Variants in RUNX2 observed in about 807,000 individuals in gnomAD.
RUNX2 encodes runt-related transcription factor 2.
RUNX2 carries 10 observed loss-of-function variants against 51.7 expected under a neutral mutation model. That is an observed-to-expected ratio of 0.19 (90% CI 0.12 to 0.33). The LOEUF (loss-of-function observed/expected upper bound fraction) is 0.33, where lower values mean the gene tolerates loss of function less well. Among genes scored for constraint, RUNX2 ranks in the 10% least tolerant of loss-of-function variants. The pLI is 1.00. For synonymous variants in RUNX2, 276 were observed against 273.6 expected (o/e 1.01, Z -0.09); for missense variants, 562 against 691.3 (o/e 0.81, Z 2.10).
At chr6:45,422,489 CGCCT>C in intron 2 of RUNX2, 100 bp from the exon 3 acceptor site, 1 of 481,124 alleles carries the variant, frequency 2.1e-6, no homozygotes, top group Non-Finnish European at 3.4e-6. Flanking sequence ...CCCCCCGTCT[CGCCT>C]TCACCCCCCC....
chr6:45,331,211 T>C (rs1035260123), intron 2 of RUNX2, among the ~76,000 whole-genome samples: 94 of 151,944 alleles, frequency 6.2e-4, no homozygotes, highest in African/African-American at 2.2e-3. Flanking sequence ...AATCAAAAAT[T>C]TTCAATCTGT....
intron 5 of RUNX2, among the ~76,000 whole-genome samples, chr6:45,485,693 G>GTA (rs1257977356): frequency 6.9e-5 from 7 of 101,794 alleles, no homozygotes; most frequent in African/African-American, 2.0e-4. Flanking sequence ...GTGTGTGTGT[G>GTA]TGTGTATATA....
intron 6 of RUNX2, among the ~76,000 whole-genome samples, chr6:45,500,308 T>C (rs1374977027): frequency 6.6e-6 from 1 of 152,234 alleles, no homozygotes; most frequent in African/African-American, 2.4e-5. Context: ...TGTTTTCATT[T>C]TAATGTATGC....
intron 6 of RUNX2, among the ~76,000 whole-genome samples, chr6:45,494,180 A>G (rs1320120670): frequency 2.0e-5 from 3 of 152,214 alleles, no homozygotes; most frequent in Admixed American, 6.5e-5. Context: ...AGTGAGGCTC[A>G]GAGGAGGTGT....
In RUNX2 at chr6:45,467,613, G is replaced by A. The variant is rs115121444; in HGVS notation, c.686-24328G>A. Among the ~76,000 whole-genome samples, 954 of 149,044 alleles carry A rather than the reference G, an allele frequency of 6.4e-3. 9 individuals are homozygous for A. Among genetic ancestry groups the A allele is most frequent in the African/African-American group, 0.022 (892 of 40,338 alleles). ...ATCTTTTAGAACCGCCACCCCCACC[G>A]CCCCCAGCCACTCATCTACCTCCTA... On this transcript the variant is annotated intron_variant, in intron 5 of 8. Transcript: ENST00000647337.
At chr6:45,542,180 A>T (rs1411469484) in intron 7 of RUNX2, among the ~76,000 whole-genome samples, 1 of 152,172 alleles carries the variant, frequency 6.6e-6, no homozygotes, top group Non-Finnish European at 1.5e-5. Flanking sequence ...GGTTTCACAC[A>T]CTTTCCACTT....
At chr6:45,456,209 ATG>A (rs1163261167) in intron 5 of RUNX2, among the ~76,000 whole-genome samples, 1 of 152,168 alleles carries the variant, frequency 6.6e-6, no homozygotes, top group Non-Finnish European at 1.5e-5. Context: ...TTTTTCCTAA[ATG>A]TATTTGTATG....
At chr6:45,467,184 T>G (rs1799658287) in intron 5 of RUNX2, among the ~76,000 whole-genome samples, 1 of 152,246 alleles carries the variant, frequency 6.6e-6, no homozygotes. Flanking sequence ...TGACCCCTTC[T>G]GCCTCCATCC....
At chr6:45,418,198 G>A (rs1798105740) in intron 2 of RUNX2, among the ~76,000 whole-genome samples, 1 of 152,044 alleles carries the variant, frequency 6.6e-6, no homozygotes, top group African/African-American at 2.4e-5. Flanking sequence ...TAATGTATGG[G>A]GGTTAGAAAA....
At chr6:45,392,350 A>G (rs983493530) in intron 2 of RUNX2, among the ~76,000 whole-genome samples, 1 of 152,082 alleles carries the variant, frequency 6.6e-6, no homozygotes, top group African/African-American at 2.4e-5. Context: ...CTACAAAAAA[A>G]TATATAAAAA....
intron 2 of RUNX2, chr6:45,377,784 C>G (rs1797037035): frequency 6.5e-6 from 1 of 152,790 alleles, no homozygotes; most frequent in Admixed American, 6.5e-5. Context: ...TTTAAGAACC[C>G]TTGGAGGCAC....
chr6:45,354,955 A>G (rs184554748), intron 2 of RUNX2, among the ~76,000 whole-genome samples: 280 of 152,212 alleles, frequency 1.8e-3, no homozygotes, highest in African/African-American at 6.6e-3. Context: ...TGGAAAGATA[A>G]ATACCAAAGC....
At chr6:45,361,213 G>A (rs1408346039) in intron 2 of RUNX2, among the ~76,000 whole-genome samples, 3 of 151,914 alleles carry the variant, frequency 2.0e-5, no homozygotes, top group Non-Finnish European at 4.4e-5. Context: ...TTTAATTTGT[G>A]GATGTTAGAT....
Position 45,420,607 on chromosome 6 carries a change from C to T in RUNX2, c.59-1986C>T, listed in dbSNP as rs73737410. Among the ~76,000 whole-genome samples the T allele has an allele frequency of 7.6e-3, 1,152 of 152,316 alleles. 27 individuals carry two copies. Among genetic ancestry groups the T allele is most frequent in the African/African-American group, 0.026 (1,093 of 41,566 alleles). On this transcript the variant is annotated intron_variant, in intron 2 of 8. Transcript: ENST00000647337. ...CTGTGTCAGCTACTCCACTAGGAAT[C>T]TTTGAAACTTTGGCAACTGATGATT...
rs143624371 is a variant in RUNX2, at chr6:45,360,889, T to G, written c.58+32105T>G. Among the ~76,000 whole-genome samples, 541 of 152,326 alleles carry G rather than the reference T, an allele frequency of 3.6e-3. 2 individuals are homozygous for G. The highest frequency in any genetic ancestry group is 0.012 in the African/African-American group (516 of 41,570). On this transcript the variant is annotated intron_variant, in intron 2 of 8. Transcript: ENST00000647337. ...TACTACCATGGAATTTTTCGCATCC[T>G]ATTGCATTACAAATATTTGTCTCCT...
At chr6:45,436,526 A>G (rs1798690939) in intron 4 of RUNX2, among the ~76,000 whole-genome samples, 1 of 152,130 alleles carries the variant, frequency 6.6e-6, no homozygotes, top group African/African-American at 2.4e-5. Flanking sequence ...TCCCTATTCA[A>G]ACTGCACCCA....
At chr6:45,510,623 T>C (rs1419143432) in intron 6 of RUNX2, among the ~76,000 whole-genome samples, 9 of 152,174 alleles carry the variant, frequency 5.9e-5, no homozygotes, top group African/African-American at 2.2e-4. Context: ...ATTAATAGTT[T>C]TTATTTTCAA....
Position 45,547,351 on chromosome 6 carries a change from A to C in RUNX2, c.*46A>C. 1 of 1,346,162 alleles carries C rather than the reference A, an allele frequency of 7.4e-7. No homozygotes were observed. Among genetic ancestry groups the C allele is most frequent in the South Asian group, 1.2e-5 (1 of 85,536 alleles). The allele number at this position is 1,346,162 out of a possible 1,614,324, so 83.4% of individuals were successfully genotyped here. The stretch of plus-strand genomic sequence containing the variant: ...GTGGTATCTGGGGGCCACATCCCAC[A>C]CGTATCAATATATACATATATAGAG... On this transcript the variant is annotated 3_prime_UTR_variant, in exon 9 of 9. Transcript: ENST00000647337.
At chr6:45,504,646 CTGTATGTATGAATGTGTATA>C (rs1191143483) in intron 6 of RUNX2, among the ~76,000 whole-genome samples, 3 of 149,210 alleles carry the variant, frequency 2.0e-5, no homozygotes, top group Non-Finnish European at 4.5e-5. Context: ...ATGGGAATCT[CTGTATGTATGAATGTGTATA>C]TGTATAAGTG....
Sources: allele counts gnomAD v4.1 joint callset (sites outside exome capture counted in the v4.1 genomes callset), GRCh38; gene constraint gnomAD v4.1.1; transcripts MANE v1.5; gene names NCBI Gene and HGNC (gene_info 2026-07-23, HGNC 2026-07-21).